Variants in CHODL observed in about 807,000 individuals in gnomAD.
The protein encoded by CHODL is transmembrane protein MT75.
CHODL carries 29 observed loss-of-function variants against 34.5 expected under a neutral mutation model. The ratio of observed to expected loss-of-function variants is 0.84; its 90% CI spans 0.63 to 1.15. CHODL has a LOEUF of 1.15. CHODL is among the 50% of genes most tolerant of loss of function. The pLI, the probability that CHODL is intolerant of heterozygous loss-of-function variation, is 0.00. For missense variants in CHODL, 332 were observed against 332.5 expected (o/e 1.00, Z 0.01); for synonymous variants, 125 against 116.1 (o/e 1.08, Z -0.49).
intron 1 of CHODL, among the ~76,000 whole-genome samples, chr21:17,938,178 CA>C (rs1408801547): frequency 3.3e-5 from 5 of 152,168 alleles, no homozygotes; most frequent in Non-Finnish European, 5.9e-5. Context: ...CCACAGTCCC[CA>C]CTGGGTTTTG....
Position 18,043,177 on chromosome 21 carries a change from G to C in CHODL, c.-45+15206G>C, listed in dbSNP as rs1392998662. Among the ~76,000 whole-genome samples the C allele has an allele frequency of 3.3e-5, 5 of 152,054 alleles. No individual in the cohort carries two copies. The East Asian group carries it at 7.8e-4, about 24-fold the overall frequency. ...TCTACTATAGGGGTGTATTGGCCTA[G>C]AATACCAGAAAACTCATTGCAGGGC... On this transcript the variant is annotated intron_variant, in intron 2 of 6. Transcript: ENST00000400127.
intron 1 of CHODL, among the ~76,000 whole-genome samples, chr21:17,921,094 A>G (rs1181670661): frequency 6.6e-6 from 1 of 152,204 alleles, no homozygotes; most frequent in Non-Finnish European, 1.5e-5. Flanking sequence ...ATAGACAGAA[A>G]CAGATTTATT....
At chr21:18,116,301 C>G (rs1370609368) in intron 2 of CHODL, among the ~76,000 whole-genome samples, 1 of 151,546 alleles carries the variant, frequency 6.6e-6, no homozygotes, top group African/African-American at 2.4e-5. Flanking sequence ...AAACTTATTT[C>G]TCTCTCTCTC....
chr21:18,049,965 C>T (rs1233979484), intron 2 of CHODL, among the ~76,000 whole-genome samples: 1 of 151,908 alleles, frequency 6.6e-6, no homozygotes, highest in Non-Finnish European at 1.5e-5. Context: ...CAGGTGATAC[C>T]ATGGAGGCAG....
chr21:18,153,927 G>T (rs1325281829), intron 2 of CHODL, among the ~76,000 whole-genome samples: 1 of 152,110 alleles, frequency 6.6e-6, no homozygotes, highest in South Asian at 2.1e-4. Context: ...GTGACATTCT[G>T]CTTCACGTAG....
rs543573420 is a variant in CHODL at position 18,239,595 on chromosome 21, AT to A, written c.-44-16907del. On this transcript the variant is annotated intron_variant, in intron 2 of 6. Transcript: ENST00000400127. Reference sequence around the variant, plus strand: ...TGAATGCCACAAAGGAATATTTTACATTTTTTTAGGTCTTTAGCTATTCCTT... The same window carrying A: ...TGAATGCCACAAAGGAATATTTTACATTTTTTAGGTCTTTAGCTATTCCTT... Among the ~76,000 whole-genome samples the A allele has an allele frequency of 2.1e-3, 324 of 152,118 alleles. 14 individuals are homozygous for A. The South Asian group carries it at 0.064, about 30-fold the overall frequency.
intron 1 of CHODL, among the ~76,000 whole-genome samples, chr21:17,928,984 A>C (rs1298563157): frequency 6.6e-6 from 1 of 152,236 alleles, no homozygotes; most frequent in African/African-American, 2.4e-5. Flanking sequence ...TCCACTTAAG[A>C]GCTGAGATCC....
At chr21:17,919,108 TGA>T (rs1175506667) in intron 1 of CHODL, among the ~76,000 whole-genome samples, 1 of 152,294 alleles carries the variant, frequency 6.6e-6, no homozygotes, top group South Asian at 2.1e-4. Context: ...GGGCTGGTGT[TGA>T]GTGTCTGCGG....
intron 1 of CHODL, among the ~76,000 whole-genome samples, chr21:17,971,584 G>T (rs955324870): frequency 8.6e-5 from 13 of 151,836 alleles, no homozygotes; most frequent in African/African-American, 3.1e-4. Context: ...TGGGTTGTTT[G>T]TTTTTTTCTT....
intron 2 of CHODL, among the ~76,000 whole-genome samples, chr21:18,099,711 T>C (rs1357328840): frequency 6.6e-6 from 1 of 152,090 alleles, no homozygotes; most frequent in Non-Finnish European, 1.5e-5. Context: ...CCAATCAAAT[T>C]ATTCAATAAA....
In CHODL at chr21:18,074,615, G is replaced by A. The variant is rs1309043817; in HGVS notation, c.-45+46644G>A. Among the ~76,000 whole-genome samples, 9 of 152,156 alleles carry A rather than the reference G, an allele frequency of 5.9e-5. No homozygotes were observed. In the East Asian group the frequency reaches 1.7e-3, roughly 29 times the overall value. ...CTTGAAGAGGAACTTGTGGTGGGCTGTCCTTTTTGATATGTTTAAAATTTC... is the reference window on the plus strand; with the variant it reads ...CTTGAAGAGGAACTTGTGGTGGGCTATCCTTTTTGATATGTTTAAAATTTC... On this transcript the variant is annotated intron_variant, in intron 2 of 6. Transcript: ENST00000400127.
At chr21:18,145,352 G>T (rs957463045) in intron 2 of CHODL, among the ~76,000 whole-genome samples, 1 of 147,578 alleles carries the variant, frequency 6.8e-6, no homozygotes, top group African/African-American at 2.5e-5. Context: ...CAGGAGAATG[G>T]CGTGAACCCG....
At chr21:18,101,066 C>G (rs140394367) in intron 2 of CHODL, among the ~76,000 whole-genome samples, 1 of 152,034 alleles carries the variant, frequency 6.6e-6, no homozygotes, top group Admixed American at 6.6e-5. Context: ...ATGATTCCCA[C>G]GTGTTGTGGG....
chr21:18,162,943 A>G lies in CHODL; in HGVS notation c.-44-93566A>G, dbSNP rs563095001. On this transcript the variant is annotated intron_variant, in intron 2 of 6. Transcript: ENST00000400127. ...GGTGTACACCAACATGCTCAGTTCCATTCATTCATTTTGATTGCTATACTG... is the reference window on the plus strand; with the variant it reads ...GGTGTACACCAACATGCTCAGTTCCGTTCATTCATTTTGATTGCTATACTG... Among the ~76,000 whole-genome samples the G allele has an allele frequency of 2.6e-5, 4 of 152,268 alleles. No individual in the cohort carries two copies. In the South Asian group the frequency reaches 6.2e-4, roughly 24 times the overall value.
chr21:18,059,641 C>T (rs1004085838), intron 2 of CHODL, among the ~76,000 whole-genome samples: 5 of 152,064 alleles, frequency 3.3e-5, no homozygotes, highest in African/African-American at 1.2e-4. Context: ...TCCTGATGCT[C>T]TCCCTCCCCA....
At chr21:18,051,213 C>A (rs2064511441) in intron 2 of CHODL, among the ~76,000 whole-genome samples, 1 of 151,766 alleles carries the variant, frequency 6.6e-6, no homozygotes, top group East Asian at 1.9e-4. Flanking sequence ...GTTTGCTGAG[C>A]ATGATGGTTT....
chr21:18,207,659 C>CTTTTTTTT lies in CHODL; in HGVS notation c.-44-48836_-44-48829dup, dbSNP rs34259143. Among the ~76,000 whole-genome samples the CTTTTTTTT allele has an allele frequency of 3.0e-3, 170 of 55,920 alleles. 9 individuals carry two copies. Among genetic ancestry groups the CTTTTTTTT allele is most frequent in the African/African-American group, 8.8e-3 (100 of 11,316 alleles). The allele number at this position is 55,920 out of a possible 152,430, so 36.7% of individuals were successfully genotyped here. On this transcript the variant is annotated intron_variant, in intron 2 of 6. Coordinates refer to the CHODL transcript ENST00000400127. ...TGGTGGTGGTGATGAAATCTCTCAG[C>CTTTTTTTT]TTTTTTTTTTTTTTTTTTTTTGCGG...
chr21:17,924,172 G>C (rs546333675), intron 1 of CHODL, among the ~76,000 whole-genome samples: 2 of 152,318 alleles, frequency 1.3e-5, no homozygotes, highest in African/African-American at 4.8e-5. Flanking sequence ...GTACACAAGG[G>C]GGAGAATAAA....
intron 1 of CHODL, among the ~76,000 whole-genome samples, chr21:17,938,493 TAAG>T (rs370022232): frequency 0.67 from 36,148 of 53,836 alleles, 14,308 homozygotes; most frequent in Middle Eastern, 0.77. Flanking sequence ...TTTTTTTTTT[TAAG>T]GAAAGGGAGT....
Sources: allele counts gnomAD v4.1 joint callset (sites outside exome capture counted in the v4.1 genomes callset), GRCh38; gene constraint gnomAD v4.1.1; transcripts MANE v1.5; gene names NCBI Gene and HGNC (gene_info 2026-07-23, HGNC 2026-07-21).